The following ZFAND4 variants were observed in gnomAD, a reference collection of about 807,000 sequenced individuals.
ZFAND4 encodes AN1-type zinc finger protein 4.
A neutral mutation model predicts 64.4 loss-of-function variants in ZFAND4; 43 were observed. The observed-to-expected ratio is 0.67, with a 90% confidence interval of 0.52 to 0.86. The LOEUF (loss-of-function observed/expected upper bound fraction) is 0.86, where lower values mean the gene tolerates loss of function less well. ZFAND4 is among the 40% of genes least tolerant of loss of function. ZFAND4 has a pLI of 0.00. For synonymous variants in ZFAND4, 296 were observed against 305.7 expected, an observed-to-expected ratio of 0.97 and a Z score of 0.33; for missense variants, 929 against 859.8, an observed-to-expected ratio of 1.08 and a Z score of -1.01.
chr10:45,628,680 A>C (rs2045999777), intron 6 of ZFAND4, among the ~76,000 whole-genome samples: 1 of 152,154 alleles, frequency 6.6e-6, no homozygotes, highest in African/African-American at 2.4e-5. Context: ...TGTTGAAATT[A>C]ATGACAGCTG....
At position 45,623,599 on chromosome 10, in the gene ZFAND4, TA is replaced by T. The variant is rs1381340873; in HGVS notation, c.1927+983del. Among the ~76,000 whole-genome samples, 5 of 152,142 alleles carry T rather than the reference TA, an allele frequency of 3.3e-5. No homozygotes were observed. In the East Asian group the frequency reaches 9.6e-4, roughly 29 times the overall value. On this transcript the variant is annotated intron_variant, in intron 8 of 9. Coordinates refer to ENST00000344646, the MANE Select transcript of ZFAND4 (RefSeq NM_174890.4). ...CACTTACATAGGTACTTAGAGTACC[TA>T]AAAAATCATTGAATTAGGAAATGAA... is the stretch of plus-strand genomic sequence containing the variant.
At chr10:45,622,403 G>A (rs1273043930) in intron 8 of ZFAND4, among the ~76,000 whole-genome samples, 1 of 152,146 alleles carries the variant, frequency 6.6e-6, no homozygotes, top group Non-Finnish European at 1.5e-5. Flanking sequence ...AGAAAAGATA[G>A]GGGAAAAGCT....
Position 45,648,434 on chromosome 10 carries a change from CA to C in ZFAND4, c.428del (p.Leu143TrpfsTer9). 6.2e-7 allele frequency: 1 copy of C among 1,613,722 alleles called. No homozygotes were observed. On this transcript the variant is annotated frameshift_variant, in exon 5 of 10. Transcript: ENST00000344646. LOFTEE classifies it high-confidence loss of function. ...TCAATTGATCTCCTTCTTGGTATAC[CA>C]AAAATGTAACTTGTTTGCTGCAGGA... is the stretch of plus-strand genomic sequence containing the variant. ...KTSCSKQVTFLVYQEGDQLNF... is the reference protein window; with the variant it reads ...KTSCSKQVTFXVYQEGDQLNF...
chr10:45,624,772 TTTAA>T (rs758074851), intron 7 of ZFAND4, 135 bp from the exon 8 acceptor site: 25 of 702,454 alleles, frequency 3.6e-5, no homozygotes, highest in African/African-American at 1.8e-5. Flanking sequence ...CCAATTTTTG[TTTAA>T]TTAAATTAAC....
intron 1 of ZFAND4, among the ~76,000 whole-genome samples, chr10:45,669,205 A>G (rs1010481890): frequency 1.3e-5 from 2 of 152,256 alleles, no homozygotes; most frequent in Non-Finnish European, 2.9e-5. Context: ...GGATATCACC[A>G]GCGATCCCAC....
intron 8 of ZFAND4, among the ~76,000 whole-genome samples, chr10:45,621,549 T>C (rs937713541): frequency 6.6e-6 from 1 of 152,012 alleles, no homozygotes; most frequent in Non-Finnish European, 1.5e-5. Context: ...GAGACCATCC[T>C]GGCTAACACA....
In ZFAND4 at chr10:45,658,696, C is replaced by CA. The variant is rs1257373796; in HGVS notation, c.184+4845dup. On this transcript the variant is annotated intron_variant, in intron 2 of 9. Coordinates refer to ENST00000344646, the MANE Select transcript of ZFAND4 (RefSeq NM_174890.4). The stretch of plus-strand genomic sequence containing the variant: ...TAAAGAACTATTATAATTTTTTAAA[C>CA]AAAAAAATATTTTTAGCAAAACAAA... Among the ~76,000 whole-genome samples the CA allele has an allele frequency of 2.6e-5, 4 of 151,938 alleles. No homozygotes were observed. In the South Asian group the frequency reaches 6.2e-4, roughly 24 times the overall value.
intron 5 of ZFAND4, among the ~76,000 whole-genome samples, chr10:45,644,267 A>G (rs1190167092): frequency 1.3e-5 from 2 of 152,204 alleles, no homozygotes; most frequent in East Asian, 1.9e-4. Context: ...AAGGTACCGT[A>G]GAGTGGATTA....
chr10:45,629,911 T>C (rs1444580400), intron 6 of ZFAND4, among the ~76,000 whole-genome samples: 1 of 151,964 alleles, frequency 6.6e-6, no homozygotes, highest in Non-Finnish European at 1.5e-5. Context: ...AAAAAGTGTG[T>C]CACTGATTTA....
At chr10:45,651,400 A>C (rs532636802) in intron 4 of ZFAND4, 1 of 345,362 alleles carries the variant, frequency 2.9e-6, no homozygotes, top group African/African-American at 2.1e-5. Flanking sequence ...TGAAGCAGAG[A>C]CTTTCTCTCC....
intron 2 of ZFAND4, among the ~76,000 whole-genome samples, chr10:45,661,970 C>A (rs1207991332): frequency 6.6e-6 from 1 of 151,262 alleles, no homozygotes; most frequent in Non-Finnish European, 1.5e-5. Context: ...ATACTATGTT[C>A]TCTCTCTGCC....
chr10:45,671,054 A>G (rs1001112820), intron 1 of ZFAND4, among the ~76,000 whole-genome samples: 2 of 152,272 alleles, frequency 1.3e-5, no homozygotes, highest in African/African-American at 4.8e-5. Context: ...GAAGATATTT[A>G]TGCAGCCAAC....
intron 6 of ZFAND4, among the ~76,000 whole-genome samples, chr10:45,633,369 C>T (rs922727426): frequency 2.6e-5 from 4 of 151,936 alleles, no homozygotes; most frequent in African/African-American, 7.2e-5. Context: ...GAAATACAAA[C>T]AATATTCTCT....
chr10:45,617,299 G>C (rs2045049868), intron 9 of ZFAND4, among the ~76,000 whole-genome samples: 1 of 151,934 alleles, frequency 6.6e-6, no homozygotes, highest in Non-Finnish European at 1.5e-5. Flanking sequence ...AGCAAAATAG[G>C]TTGTTTTCAT....
chr10:45,642,644 C>T (rs918802855), intron 5 of ZFAND4, among the ~76,000 whole-genome samples: 3 of 150,062 alleles, frequency 2.0e-5, no homozygotes, highest in Non-Finnish European at 4.4e-5. Context: ...TGATAAATCA[C>T]TGGACTCATT....
At chr10:45,637,073 G>A (rs2046652374) in intron 6 of ZFAND4, among the ~76,000 whole-genome samples, 1 of 151,744 alleles carries the variant, frequency 6.6e-6, no homozygotes, top group African/African-American at 2.4e-5. Flanking sequence ...GGGCGCGGTG[G>A]CTCGCTCCTG....
chr10:45,670,427 C>T (rs540892636), intron 1 of ZFAND4, among the ~76,000 whole-genome samples: 1 of 152,254 alleles, frequency 6.6e-6, no homozygotes, highest in Non-Finnish European at 1.5e-5. Flanking sequence ...TTTCTCCCAA[C>T]AGGGGTTTCT....
chr10:45,656,089 G>T (rs974846850), intron 2 of ZFAND4, among the ~76,000 whole-genome samples: 2 of 152,048 alleles, frequency 1.3e-5, no homozygotes, highest in Admixed American at 1.3e-4. Context: ...AAATTAGCTG[G>T]GCGTGGTGGC....
chr10:45,669,693 G>A (rs1426378648), intron 1 of ZFAND4, among the ~76,000 whole-genome samples: 7 of 152,088 alleles, frequency 4.6e-5, no homozygotes, highest in African/African-American at 2.4e-5. Context: ...TGATCAAGTC[G>A]GCCTCATCCC....
Sources: gnomAD v4.1 joint callset for allele counts (sites outside exome capture counted in the v4.1 genomes callset) on GRCh38, gnomAD v4.1.1 for gene constraint, MANE v1.5 for transcripts, NCBI Gene and HGNC (gene_info 2026-07-23, HGNC 2026-07-21) for gene names.